Variants in ST8SIA3 observed in about 807,000 individuals in gnomAD.
ST8SIA3 encodes the protein alpha-N-acetylneuraminate alpha-2,8-sialyltransferase ST8SIA3.
In ST8SIA3, 17 loss-of-function variants were observed where a neutral mutation model predicts 34.5. That is an observed-to-expected ratio of 0.49 (90% CI 0.34 to 0.74). The LOEUF (loss-of-function observed/expected upper bound fraction) is 0.74. ST8SIA3 is among the 30% of genes least tolerant of loss of function. ST8SIA3 has a pLI of 0.01. For missense variants in ST8SIA3, 354 were observed against 467.8 expected (o/e 0.76, Z 2.24); for synonymous variants, 172 against 176.1 (o/e 0.98, Z 0.19).
In ST8SIA3 at chr18:57,366,397, C is replaced by T. The variant is rs2049860707; in HGVS notation, c.*6120C>T. 1 of 152,708 alleles carries T rather than the reference C, an allele frequency of 6.5e-6. No individual in the cohort carries two copies. Among genetic ancestry groups the T allele is most frequent in the Admixed American group, 6.5e-5 (1 of 15,298 alleles). The allele number at this position is 152,708 out of a possible 1,614,324, so 9.5% of individuals were successfully genotyped here. On this transcript the variant is annotated 3_prime_UTR_variant, in exon 4 of 4. Coordinates refer to ENST00000324000, the MANE Select transcript of ST8SIA3 (RefSeq NM_015879.3). ...GCTTTTCTAATTTCTAAGGGTGACC[C>T]TCCAGGAAAACATTCTTTAATTTAA...
intron 1 of ST8SIA3, among the ~76,000 whole-genome samples, chr18:57,353,470 G>A (rs34695623): frequency 0.042 from 6,396 of 152,158 alleles, 590 homozygotes; most frequent in East Asian, 0.37. Flanking sequence ...CGCAGGCGCC[G>A]GACTCCCCTC....
In ST8SIA3 at chr18:57,366,451, C is replaced by CT. The variant is rs1314589766; in HGVS notation, c.*6180dup. The CT allele has an allele frequency of 2.0e-5, 3 of 152,556 alleles. No homozygotes were observed. The East Asian group carries it at 5.8e-4, about 29-fold the overall frequency. The allele number at this position is 152,556 out of a possible 1,614,324, so 9.5% of individuals were successfully genotyped here. On this transcript the variant is annotated 3_prime_UTR_variant, in exon 4 of 4. Coordinates refer to ENST00000324000, the MANE Select transcript of ST8SIA3 (RefSeq NM_015879.3). ...CCAGTTAAAACCATGTTTGGCTGAT[C>CT]TTTTTTAAAAAATCTATACCTATAG...
chr18:57,360,128 G>A lies in ST8SIA3; in HGVS notation c.994G>A (p.Glu332Lys), dbSNP rs748134822. 1.4e-5 allele frequency: 23 copies of A among 1,614,028 alleles called. No homozygotes were observed. Among genetic ancestry groups the A allele is most frequent in the Non-Finnish European group, 1.8e-5 (21 of 1,180,022 alleles). The change falls in exon 4 of 4, where the codon GAA becomes AAA. Residue 332 changes from glutamate to lysine, a missense_variant. Coordinates refer to ENST00000324000, the MANE Select transcript of ST8SIA3 (RefSeq NM_015879.3). ...GTTTGGATTTGACCCCAACACAAGGGAAGATCTTCCATACCATTACTATGA... is the reference window on the plus strand; with the variant it reads ...GTTTGGATTTGACCCCAACACAAGGAAAGATCTTCCATACCATTACTATGA... ...WPFGFDPNTR[E>K]DLPYHYYDKK...
At chr18:57,358,987 C>T (rs2049814170) in intron 3 of ST8SIA3, among the ~76,000 whole-genome samples, 1 of 152,166 alleles carries the variant, frequency 6.6e-6, no homozygotes, top group Non-Finnish European at 1.5e-5. Context: ...TTGAAATCTT[C>T]AAGTAGTGAA....
chr18:57,352,971 C>G lies in ST8SIA3; in HGVS notation c.125C>G (p.Pro42Arg). 6.2e-7 allele frequency: 1 copy of G among 1,612,812 alleles called. No homozygotes were observed. Among genetic ancestry groups the G allele is most frequent in the Non-Finnish European group, 8.5e-7 (1 of 1,179,960 alleles). The change falls in exon 1 of 4, where the codon CCC becomes CGC. Residue 42 changes from proline (P) to arginine (R), a missense_variant. By Grantham distance (103) the Pro-to-Arg change is moderately radical (BLOSUM62 -2). This residue lies in a region of ST8SIA3 where 184 missense variants were observed against 205.4 expected (regional missense o/e 0.90). Coordinates refer to ENST00000324000, the MANE Select transcript of ST8SIA3 (RefSeq NM_015879.3). ...AAAAAGGAGAACATCTTCACCACTC[C>G]CAAGTACGCCAGCCCGGGGGCGCCC... ...SLKKENIFTT[P>R]KYASPGAPRM...
Position 57,352,871 on chromosome 18 carries a change from G to A in ST8SIA3, c.25G>A (p.Val9Ile). 2 of 1,613,714 alleles carry A rather than the reference G, an allele frequency of 1.2e-6. No individual in the cohort carries two copies. The highest frequency in any genetic ancestry group is 2.2e-5 in the South Asian group (2 of 91,066). The change falls in exon 1 of 4, where the codon GTC becomes ATC. Residue 9 changes from valine to isoleucine, a missense_variant. By Grantham distance (29) the Val-to-Ile change is conservative. Transcript: ENST00000324000. The part of the protein sequence containing the change: MRNCKMAR[V>I]ASVLGLVMLS... ...GATGAGAAACTGCAAAATGGCCCGG[G>A]TCGCCAGTGTGCTGGGGCTGGTCAT...
intron 2 of ST8SIA3, among the ~76,000 whole-genome samples, chr18:57,356,487 G>T (rs1568101174): frequency 6.6e-6 from 1 of 152,142 alleles, no homozygotes. Flanking sequence ...GAGCACTTCA[G>T]TCCAGTAGCA....
At chr18:57,353,496 A>T (rs10048381) in intron 1 of ST8SIA3, among the ~76,000 whole-genome samples, 27,182 of 151,368 alleles carry the variant, frequency 0.18, 2,875 homozygotes, top group African/African-American at 0.28. Context: ...CTCCTCCTTT[A>T]CTCCCCCACG....
Position 57,366,601 on chromosome 18 carries a change from G to T in ST8SIA3, c.*6324G>T, listed in dbSNP as rs957662108. ...TGCAAAGGAGCAGGGGAAGAACAAG[G>T]CACCCAGTAAGCTCACTTGGCTCTA... On this transcript the variant is annotated 3_prime_UTR_variant, in exon 4 of 4. Transcript: ENST00000324000. 2 of 152,182 alleles carry T rather than the reference G, an allele frequency of 1.3e-5. No individual in the cohort carries two copies. Among genetic ancestry groups the T allele is most frequent in the Admixed American group, 6.5e-5 (1 of 15,280 alleles). The allele number at this position is 152,182 out of a possible 1,614,324, so 9.4% of individuals were successfully genotyped here.
At position 57,367,670 on chromosome 18, in the gene ST8SIA3, G is replaced by T. The variant is rs1271155389; in HGVS notation, c.*7393G>T. 1.3e-4 allele frequency: 20 copies of T among 152,318 alleles called. No individual in the cohort carries two copies. The highest frequency in any genetic ancestry group is 2.9e-5 in the Non-Finnish European group (2 of 68,042). 9.4% of individuals were successfully genotyped at this position (152,318 alleles called of 1,614,324 possible). ...CCTGCATAAGTGGAATAAAGTCATT[G>T]AAGTACTTGCAAAAAGAAGAGGGAG... On this transcript the variant is annotated 3_prime_UTR_variant, in exon 4 of 4. Coordinates refer to ENST00000324000, the MANE Select transcript of ST8SIA3 (RefSeq NM_015879.3).
chr18:57,355,650 C>G (rs548571151), intron 2 of ST8SIA3, among the ~76,000 whole-genome samples: 2 of 151,864 alleles, frequency 1.3e-5, no homozygotes, highest in African/African-American at 4.8e-5. Context: ...ATGGACAACC[C>G]AGAACGTTTT....
At chr18:57,357,641 A>T (rs2049807045) in intron 3 of ST8SIA3, among the ~76,000 whole-genome samples, 171 bp downstream of exon 3, 1 of 152,216 alleles carries the variant, frequency 6.6e-6, no homozygotes, top group African/African-American at 2.4e-5. Context: ...ATTCTAGCTA[A>T]GAAGTTCCAT....
At chr18:57,354,256 G>T in intron 1 of ST8SIA3, 146 bp from the exon 2 acceptor site, 1 of 949,802 alleles carries the variant, frequency 1.1e-6, no homozygotes, top group Non-Finnish European at 1.6e-6. Context: ...GGGAGCAGAG[G>T]GTGGACCAAA....
chr18:57,357,352 T>C lies in ST8SIA3; in HGVS notation c.742T>C (p.Phe248Leu), dbSNP rs745344546. Residue 248 changes from phenylalanine (F) to leucine (L), a missense_variant, in exon 3 of 4, where the codon TTT becomes CTT. Physicochemically the swap from Phe to Leu is conservative, Grantham distance 22. Around this residue, in one of 3 missense-constraint regions of ST8SIA3, gnomAD observed 166 missense variants for 245.2 expected, o/e 0.68. Coordinates refer to ENST00000324000, the MANE Select transcript of ST8SIA3 (RefSeq NM_015879.3). ...CGGGGCCATTCTTTGGATCCCTGCA[T>C]TTTTCTTCCACACTTCAGCAACTGT... Reference protein sequence around the residue: ...LDGAILWIPAFFFHTSATVTR... With the variant: ...LDGAILWIPALFFHTSATVTR... The C allele has an allele frequency of 9.8e-5, 158 of 1,613,346 alleles. No homozygotes were observed. Among genetic ancestry groups the C allele is most frequent in the Admixed American group, 7.7e-4 (46 of 60,000 alleles).
At position 57,366,050 on chromosome 18, in the gene ST8SIA3, C is replaced by T. The variant is rs2049858644; in HGVS notation, c.*5773C>T. 6.6e-6 allele frequency: 1 copy of T among 152,188 alleles called. No homozygotes were observed. The highest frequency in any genetic ancestry group is 2.1e-4 in the South Asian group (1 of 4,832). The allele number at this position is 152,188 out of a possible 1,614,324, so 9.4% of individuals were successfully genotyped here. On this transcript the variant is annotated 3_prime_UTR_variant, in exon 4 of 4. Coordinates refer to ENST00000324000, the MANE Select transcript of ST8SIA3 (RefSeq NM_015879.3). Reference sequence around the variant, plus strand: ...ATCTCAGCCAATTTCAGGCTACTAACTTAATGTCAACCAGCTGAAAACACA... The same window carrying T: ...ATCTCAGCCAATTTCAGGCTACTAATTTAATGTCAACCAGCTGAAAACACA...
intron 2 of ST8SIA3, among the ~76,000 whole-genome samples, chr18:57,355,608 TA>T (rs1302974868): frequency 1.3e-5 from 2 of 152,190 alleles, no homozygotes; most frequent in East Asian, 3.8e-4. Flanking sequence ...AGTGTTTTTT[TA>T]ATAATTGGGT....
At chr18:57,359,959 T>G (rs2049820642) in intron 3 of ST8SIA3, 36 bp from the exon 4 acceptor site, 7 of 1,588,032 alleles carry the variant, frequency 4.4e-6, no homozygotes, top group Non-Finnish European at 6.0e-6. Flanking sequence ...CTTTCAACGC[T>G]GACCTCTGAA....
rs761001155 is a variant in ST8SIA3, at chr18:57,352,968, C to G, written c.122C>G (p.Thr41Ser). 6.2e-7 allele frequency: 1 copy of G among 1,613,108 alleles called. No homozygotes were observed. Among genetic ancestry groups the G allele is most frequent in the South Asian group, 1.1e-5 (1 of 91,072 alleles). The part of the protein sequence containing the change: ...VSLKKENIFT[T>S]PKYASPGAPR... ...CTGAAAAAGGAGAACATCTTCACCA[C>G]TCCCAAGTACGCCAGCCCGGGGGCG... Residue 41 changes from threonine to serine, a missense_variant, in exon 1 of 4, where the codon ACT becomes AGT. This residue lies in a region of ST8SIA3 where 184 missense variants were observed against 205.4 expected (regional missense o/e 0.90). Transcript: ENST00000324000.
intron 3 of ST8SIA3, among the ~76,000 whole-genome samples, chr18:57,359,446 A>C (rs2144205445): frequency 6.6e-6 from 1 of 152,308 alleles, no homozygotes; most frequent in South Asian, 2.1e-4. Context: ...GAAGAAAAAT[A>C]AGGCTCCACA....
Sources: allele counts gnomAD v4.1 joint callset (sites outside exome capture counted in the v4.1 genomes callset), GRCh38; gene constraint gnomAD v4.1.1; regional missense constraint gnomAD v4.1.1; transcripts MANE v1.5; gene names NCBI Gene and HGNC (gene_info 2026-07-23, HGNC 2026-07-21).